The following DGKI variants were observed in gnomAD, a reference collection of about 807,000 sequenced individuals.
DGKI encodes the protein DAG kinase iota.
A neutral mutation model predicts 147.5 loss-of-function variants in DGKI; 55 were observed. That is an observed-to-expected ratio of 0.37 (90% confidence interval 0.30 to 0.47). DGKI has a LOEUF of 0.47. Ranked by LOEUF, DGKI falls within the 20% of genes least tolerant of loss-of-function variation. The probability of loss-of-function intolerance (pLI) is 1.00; values close to 1 mark genes in which losing one functional copy is unlikely to be tolerated. For synonymous variants in DGKI, 469 were observed against 477.1 expected (o/e 0.98, Z 0.22); for missense variants, 1,007 against 1,323.8 (o/e 0.76, Z 3.71).
At chr7:137,799,211 T>C (rs547779459) in intron 1 of DGKI, among the ~76,000 whole-genome samples, 1 of 152,262 alleles carries the variant, frequency 6.6e-6, no homozygotes, top group Admixed American at 6.5e-5. Flanking sequence ...TCCGATAACA[T>C]AGATGAACCT....
At chr7:137,727,405 G>C (rs2116645656) in intron 1 of DGKI, among the ~76,000 whole-genome samples, 1 of 152,240 alleles carries the variant, frequency 6.6e-6, no homozygotes. Flanking sequence ...AATACTCACA[G>C]AGCCCCAGCT....
chr7:137,635,736 A>G (rs183843552), intron 6 of DGKI, among the ~76,000 whole-genome samples: 22 of 152,334 alleles, frequency 1.4e-4, no homozygotes, highest in African/African-American at 4.8e-4. Context: ...CACCAGACTC[A>G]GTATGTTTAC....
intron 1 of DGKI, among the ~76,000 whole-genome samples, chr7:137,840,167 T>A (rs1435352322): frequency 6.6e-6 from 1 of 152,232 alleles, no homozygotes; most frequent in Non-Finnish European, 1.5e-5. Context: ...GTATGGTACA[T>A]GAATAAAAAG....
At position 137,795,247 on chromosome 7, in the gene DGKI, T is replaced by C. The variant is rs561766144; in HGVS notation, c.401+51215A>G. ...CTATTCCCATCTCCCTTTCCCTATC[T>C]CTGCAGTACCCTTGAAAACCAGCAG... is the stretch of plus-strand genomic sequence containing the variant. On this transcript the variant is annotated intron_variant, in intron 1 of 32. Transcript: ENST00000614521. 5.9e-5 allele frequency among the ~76,000 whole-genome samples: 9 copies of C among 152,312 alleles called. No individual in the cohort carries two copies. The South Asian group carries it at 1.0e-3, about 18-fold the overall frequency.
chr7:137,708,752 A>C (rs1794122481), intron 1 of DGKI, among the ~76,000 whole-genome samples: 1 of 152,230 alleles, frequency 6.6e-6, no homozygotes, highest in Non-Finnish European at 1.5e-5. Flanking sequence ...AATTATTGCT[A>C]ATAGATATAG....
At chr7:137,487,379 A>T (rs1419532612) in intron 22 of DGKI, among the ~76,000 whole-genome samples, 1 of 152,196 alleles carries the variant, frequency 6.6e-6, no homozygotes, top group African/African-American at 2.4e-5. Flanking sequence ...GTTATGGAAC[A>T]CACCAGGGCA....
At chr7:137,563,605 A>G (rs1043982757) in intron 19 of DGKI, among the ~76,000 whole-genome samples, 2 of 152,072 alleles carry the variant, frequency 1.3e-5, no homozygotes, top group African/African-American at 4.8e-5. Flanking sequence ...AAGGTCAATA[A>G]ACAAATATGT....
intron 19 of DGKI, among the ~76,000 whole-genome samples, chr7:137,557,655 G>A (rs761939827): frequency 2.0e-5 from 3 of 152,118 alleles, no homozygotes; most frequent in Non-Finnish European, 4.4e-5. Context: ...TCAGTGTCTG[G>A]CAATAGCTAG....
intron 1 of DGKI, among the ~76,000 whole-genome samples, chr7:137,817,583 A>G (rs1202736326): frequency 6.6e-6 from 1 of 152,220 alleles, no homozygotes; most frequent in African/African-American, 2.4e-5. Flanking sequence ...ACCTTCCCCC[A>G]ATACAGTCCT....
At chr7:137,416,310 T>C (rs1282019657) in intron 28 of DGKI, among the ~76,000 whole-genome samples, 1 of 152,214 alleles carries the variant, frequency 6.6e-6, no homozygotes, top group Non-Finnish European at 1.5e-5. Flanking sequence ...GTGGAGTTCA[T>C]AGAAGGCTTC....
At chr7:137,743,373 C>A (rs1023803329) in intron 1 of DGKI, among the ~76,000 whole-genome samples, 1 of 152,186 alleles carries the variant, frequency 6.6e-6, no homozygotes, top group African/African-American at 2.4e-5. Flanking sequence ...GTACCACATG[C>A]TTGATCATAA....
intron 2 of DGKI, among the ~76,000 whole-genome samples, chr7:137,688,681 C>T (rs969317739): frequency 1.3e-5 from 2 of 152,154 alleles, no homozygotes; most frequent in African/African-American, 2.4e-5. Flanking sequence ...TCCATGCATA[C>T]CTCTCTTAGG....
chr7:137,426,452 A>C (rs956670387), intron 28 of DGKI, among the ~76,000 whole-genome samples: 1 of 152,234 alleles, frequency 6.6e-6, no homozygotes, highest in Non-Finnish European at 1.5e-5. Context: ...ATCATGCCAA[A>C]TTGTAAAGAC....
chr7:137,701,913 C>T (rs907852753), intron 1 of DGKI, among the ~76,000 whole-genome samples: 11 of 152,114 alleles, frequency 7.2e-5, no homozygotes, highest in Middle Eastern at 3.4e-3. Context: ...AATTTCTAGA[C>T]GTATTATAAA....
intron 1 of DGKI, among the ~76,000 whole-genome samples, chr7:137,738,956 A>AT (rs1323708200): frequency 1.3e-5 from 2 of 152,114 alleles, no homozygotes; most frequent in African/African-American, 4.8e-5. Flanking sequence ...AATGAGGGCA[A>AT]TTACTAGACA....
intron 20 of DGKI, among the ~76,000 whole-genome samples, chr7:137,551,958 G>A (rs565490661): frequency 6.6e-6 from 1 of 152,292 alleles, no homozygotes; most frequent in African/African-American, 2.4e-5. Flanking sequence ...CCAACCACCC[G>A]TGACTGGAGA....
Position 137,485,420 on chromosome 7 carries a change from T to C in DGKI, c.2329-2A>G, listed in dbSNP as rs777083719. The C allele has an allele frequency of 5.6e-6, 9 of 1,603,214 alleles. No homozygotes were observed. The highest frequency in any genetic ancestry group is 3.4e-5 in the South Asian group (3 of 88,794). The stretch of plus-strand genomic sequence containing the variant: ...GCCAGAAGAAACTGACTGTAGGTCC[T>C]AATGAGAAAATGAAAAAAAAAATCC... On this transcript the variant is annotated splice_acceptor_variant, in intron 22 of 32. Transcript: ENST00000614521. LOFTEE classifies it high-confidence loss of function.
At chr7:137,550,961 T>C (rs1026369477) in intron 20 of DGKI, among the ~76,000 whole-genome samples, 1 of 152,170 alleles carries the variant, frequency 6.6e-6, no homozygotes, top group Non-Finnish European at 1.5e-5. Flanking sequence ...ACCACTGGCA[T>C]GCCACATTTT....
At chr7:137,479,023 C>T (rs1563044365) in intron 23 of DGKI, among the ~76,000 whole-genome samples, 1 of 152,134 alleles carries the variant, frequency 6.6e-6, no homozygotes, top group Non-Finnish European at 1.5e-5. Flanking sequence ...ACCATCATAT[C>T]CAAAGCTTTC....
Sources: allele counts gnomAD v4.1 joint callset (sites outside exome capture counted in the v4.1 genomes callset), GRCh38; gene constraint gnomAD v4.1.1; transcripts MANE v1.5; gene names NCBI Gene and HGNC (gene_info 2026-07-23, HGNC 2026-07-21).